PARVA: variants seen among roughly 807,000 people sequenced by gnomAD.
PARVA encodes alpha-parvin.
PARVA carries 25 observed loss-of-function variants against 52.6 expected under a neutral mutation model. That is an observed-to-expected ratio of 0.48 (90% confidence interval 0.35 to 0.66). PARVA has a LOEUF of 0.66. PARVA is among the 30% of genes least tolerant of loss of function. The probability of loss-of-function intolerance (pLI) is 0.01; values close to 1 mark genes in which losing one functional copy is unlikely to be tolerated. For synonymous variants in PARVA, 185 were observed against 179.1 expected, an observed-to-expected ratio of 1.03 and a Z score of -0.26; for missense variants, 373 against 450.9, an observed-to-expected ratio of 0.83 and a Z score of 1.56.
chr11:12,475,034 A>G (rs7951401), intron 3 of PARVA, among the ~76,000 whole-genome samples: 4 of 151,876 alleles, frequency 2.6e-5, no homozygotes, highest in African/African-American at 9.7e-5. Flanking sequence ...CCTGTGCAAG[A>G]CCTCTCAGAG....
chr11:12,470,396 A>T (rs1311239016), intron 1 of PARVA, among the ~76,000 whole-genome samples: 1 of 152,190 alleles, frequency 6.6e-6, no homozygotes, highest in East Asian at 1.9e-4. Flanking sequence ...CTTCTCAGCA[A>T]CCCTTGGAGG....
chr11:12,487,807 CTGTGTG>C (rs149320174), intron 4 of PARVA, among the ~76,000 whole-genome samples: 1 of 151,634 alleles, frequency 6.6e-6, no homozygotes, highest in Non-Finnish European at 1.5e-5. Flanking sequence ...TAGAGAACGA[CTGTGTG>C]TGTGTGTGTC....
chr11:12,460,292 T>C (rs1466999004), intron 1 of PARVA, among the ~76,000 whole-genome samples: 6 of 152,212 alleles, frequency 3.9e-5, no homozygotes, highest in Admixed American at 3.9e-4. Flanking sequence ...GGATCAAACC[T>C]TGGCTCCACT....
chr11:12,493,906 C>G (rs1237752242), intron 4 of PARVA, among the ~76,000 whole-genome samples: 1 of 152,194 alleles, frequency 6.6e-6, no homozygotes, highest in Non-Finnish European at 1.5e-5. Flanking sequence ...AGGTTAAGGG[C>G]TCAGTGCCAC....
chr11:12,397,739 G>T (rs919420705), intron 1 of PARVA, among the ~76,000 whole-genome samples: 1 of 151,880 alleles, frequency 6.6e-6, no homozygotes, highest in Non-Finnish European at 1.5e-5. Context: ...AGGATGTTTT[G>T]GATCTCAAGG....
chr11:12,466,102 AAC>A (rs1199868928), intron 1 of PARVA, among the ~76,000 whole-genome samples: 3 of 152,186 alleles, frequency 2.0e-5, no homozygotes, highest in Non-Finnish European at 2.9e-5. Flanking sequence ...AAGGATAATG[AAC>A]ACCCTCTCAT....
intron 7 of PARVA, 100 bp from the exon 8 acceptor site, chr11:12,511,414 G>T: frequency 7.8e-7 from 1 of 1,281,628 alleles, no homozygotes; most frequent in Non-Finnish European, 1.1e-6. Flanking sequence ...AGGCAGCATG[G>T]GGTGGGCTTC....
chr11:12,515,173 T>C (rs1182403638), intron 10 of PARVA, among the ~76,000 whole-genome samples: 1 of 152,204 alleles, frequency 6.6e-6, no homozygotes, highest in Non-Finnish European at 1.5e-5. Flanking sequence ...ATAAAGTTAT[T>C]TTTCCTCTCT....
At chr11:12,518,346 T>C (rs1941596496) in intron 11 of PARVA, 99 bp from the exon 12 acceptor site, 1 of 837,324 alleles carries the variant, frequency 1.2e-6, no homozygotes, top group Non-Finnish European at 2.0e-6. Context: ...TCAGCCTCTG[T>C]CCCTCTGGCT....
intron 1 of PARVA, among the ~76,000 whole-genome samples, chr11:12,441,478 G>T (rs1477197040): frequency 6.6e-6 from 1 of 152,108 alleles, no homozygotes; most frequent in Non-Finnish European, 1.5e-5. Context: ...ACATTCGGGG[G>T]TAATTGGCTT....
At position 12,534,167 on chromosome 11, in the gene PARVA, C is replaced by CA. The variant is rs1328405962; in HGVS notation, c.*6249dup. 5.9e-5 allele frequency among the ~76,000 whole-genome samples: 9 copies of CA among 151,874 alleles called. No individual in the cohort carries two copies. Among genetic ancestry groups the CA allele is most frequent in the Non-Finnish European group, 1.0e-4 (7 of 67,980 alleles). ...TGGGCAACAGAGCAAGACTGCGTCT[C>CA]AAAAAAACAAAACAAAACAAAACAA... On this transcript the variant is annotated 3_prime_UTR_variant, in exon 13 of 13. Transcript: ENST00000334956.
intron 4 of PARVA, among the ~76,000 whole-genome samples, chr11:12,493,710 G>A (rs1289958860): frequency 6.6e-6 from 1 of 152,052 alleles, no homozygotes; most frequent in Non-Finnish European, 1.5e-5. Context: ...AAAAACAATG[G>A]ATGCTTCAGT....
At position 12,403,425 on chromosome 11, in the gene PARVA, C is replaced by T. The variant is rs115584845; in HGVS notation, c.136+25642C>T. ...GCTTTTGCATGGTGATGATAGGAGG[C>T]CCCCAGCCTTCTCTGTGCCCAGCCA... On this transcript the variant is annotated intron_variant, in intron 1 of 12. Transcript: ENST00000334956. 8.4e-3 allele frequency among the ~76,000 whole-genome samples: 1,283 copies of T among 152,310 alleles called. 8 individuals carry two copies. The highest frequency in any genetic ancestry group is 0.017 in the Middle Eastern group (5 of 294).
intron 1 of PARVA, among the ~76,000 whole-genome samples, chr11:12,404,050 T>G (rs536578345): frequency 6.6e-6 from 1 of 152,270 alleles, no homozygotes; most frequent in African/African-American, 2.4e-5. Context: ...TCAGCATTTC[T>G]TATAAACTCG....
intron 3 of PARVA, among the ~76,000 whole-genome samples, chr11:12,476,290 G>T (rs765071341): frequency 1.3e-5 from 2 of 152,074 alleles, no homozygotes; most frequent in African/African-American, 4.8e-5. Context: ...AGGCTGCTTT[G>T]ACCACCTTGA....
intron 7 of PARVA, among the ~76,000 whole-genome samples, chr11:12,509,666 G>T (rs1283694035): frequency 6.6e-6 from 1 of 152,318 alleles, no homozygotes; most frequent in East Asian, 1.9e-4. Flanking sequence ...GAGACTAGGG[G>T]CCAGAGATGT....
At chr11:12,412,867 C>T (rs1287867372) in intron 1 of PARVA, among the ~76,000 whole-genome samples, 1 of 152,142 alleles carries the variant, frequency 6.6e-6, no homozygotes, top group African/African-American at 2.4e-5. Flanking sequence ...TTCCTAAGGC[C>T]AAAAGTATCA....
rs1039723267 is a variant in PARVA at position 12,534,554 on chromosome 11, T to C, written c.*6629T>C. 2.0e-4 allele frequency among the ~76,000 whole-genome samples: 31 copies of C among 152,372 alleles called. No homozygotes were observed. The highest frequency in any genetic ancestry group is 7.2e-4 in the African/African-American group (30 of 41,598). On this transcript the variant is annotated 3_prime_UTR_variant, in exon 13 of 13. Coordinates refer to ENST00000334956, the MANE Select transcript of PARVA (RefSeq NM_018222.5). ...ATCAATGAAGCAGACTTTTCATTTC[T>C]TTTTATTGATCTTCATGTTTTCACA...
chr11:12,477,428 T>C (rs1176142860), intron 3 of PARVA, among the ~76,000 whole-genome samples: 4 of 152,192 alleles, frequency 2.6e-5, no homozygotes, highest in African/African-American at 9.7e-5. Context: ...ACTGTGAGTG[T>C]TGCTTGCCAT....
Sources: allele counts gnomAD v4.1 joint callset (sites outside exome capture counted in the v4.1 genomes callset), GRCh38; gene constraint gnomAD v4.1.1; transcripts MANE v1.5; gene names NCBI Gene and HGNC (gene_info 2026-07-23, HGNC 2026-07-21).